Variants in KCNJ12 observed in about 807,000 individuals in gnomAD.
KCNJ12 encodes potassium inwardly rectifying channel subfamily J member 12, also known as ATP-sensitive inward rectifier potassium channel 12.
Under a neutral mutation model 22.3 loss-of-function variants are expected in KCNJ12, and 2 were observed. The ratio of observed to expected loss-of-function variants is 0.09; its 90% CI spans 0.04 to 0.28. KCNJ12 has a LOEUF of 0.28. KCNJ12 is among the 10% of genes least tolerant of loss of function. The pLI is 1.00. For missense variants in KCNJ12, 155 were observed against 633.3 expected, an observed-to-expected ratio of 0.24 and a Z score of 8.11; for synonymous variants, 117 against 261.4, an observed-to-expected ratio of 0.45 and a Z score of 5.33.
intron 1 of KCNJ12, among the ~76,000 whole-genome samples, chr17:21,393,801 G>A (rs1411472356): frequency 6.6e-6 from 1 of 152,198 alleles, no homozygotes; most frequent in African/African-American, 2.4e-5. Flanking sequence ...GGCCTTCACC[G>A]CCCGCCTCCA....
Position 21,387,769 on chromosome 17 carries a change from C to T in KCNJ12, c.-179+10856C>T, listed in dbSNP as rs1220327972. On this transcript the variant is annotated intron_variant, in intron 1 of 2. Coordinates refer to ENST00000583088, the MANE Select transcript of KCNJ12 (RefSeq NM_021012.5). ...GAAGCGCTCACTTTTAGGTTTCCCT[C>T]CAACCCTCAGCTGTCAGTGATGTAA... Among the ~76,000 whole-genome samples, 11 of 152,202 alleles carry T rather than the reference C, an allele frequency of 7.2e-5. 1 individual carries two copies. The highest frequency in any genetic ancestry group is 7.2e-4 in the Admixed American group (11 of 15,272).
intron 1 of KCNJ12, among the ~76,000 whole-genome samples, chr17:21,387,103 C>A (rs1437129302): frequency 6.6e-6 from 1 of 151,844 alleles, no homozygotes; most frequent in Non-Finnish European, 1.5e-5. Flanking sequence ...CTGCAGTGAG[C>A]GGAGATCGCG....
chr17:21,415,111 G>A (rs537228278), intron 2 of KCNJ12, among the ~76,000 whole-genome samples, 176 bp from the exon 3 acceptor site: 5 of 152,404 alleles, frequency 3.3e-5, no homozygotes, highest in South Asian at 2.1e-4. Flanking sequence ...GGCCCGAAGG[G>A]GGTGGCCATT....
At chr17:21,412,080 A>G (rs1215621896) in intron 2 of KCNJ12, among the ~76,000 whole-genome samples, 3 of 152,300 alleles carry the variant, frequency 2.0e-5, no homozygotes, top group African/African-American at 7.2e-5. Context: ...GAGGCTGAGG[A>G]CTGACATTCT....
chr17:21,401,114 C>T (rs1206474835), intron 1 of KCNJ12, among the ~76,000 whole-genome samples: 11 of 152,292 alleles, frequency 7.2e-5, no homozygotes, highest in Admixed American at 6.5e-4. Context: ...GGAACCTGCT[C>T]CACTGTCTCG....
intron 2 of KCNJ12, among the ~76,000 whole-genome samples, chr17:21,408,979 AC>A (rs1462600366): frequency 2.0e-5 from 3 of 152,308 alleles, no homozygotes; most frequent in African/African-American, 7.2e-5. Flanking sequence ...CATCTGCCTG[AC>A]CACCCACCTG....
At chr17:21,398,774 A>G (rs1408568362) in intron 1 of KCNJ12, among the ~76,000 whole-genome samples, 1 of 152,242 alleles carries the variant, frequency 6.6e-6, no homozygotes, top group Non-Finnish European at 1.5e-5. Context: ...CACATGTGAC[A>G]TGTTGCCAGC....
intron 1 of KCNJ12, among the ~76,000 whole-genome samples, chr17:21,388,838 C>T (rs1905138550): frequency 1.3e-5 from 2 of 152,162 alleles, no homozygotes; most frequent in Non-Finnish European, 2.9e-5. Context: ...CGGGAAGCCT[C>T]GGTTCTCTAA....
intron 1 of KCNJ12, among the ~76,000 whole-genome samples, chr17:21,391,052 G>T (rs1412752637): frequency 1.3e-5 from 2 of 152,184 alleles, no homozygotes; most frequent in Non-Finnish European, 2.9e-5. Flanking sequence ...TGTGCGTGGG[G>T]CCCTGCACGG....
chr17:21,387,392 A>G (rs1360166828), intron 1 of KCNJ12, among the ~76,000 whole-genome samples: 1 of 142,254 alleles, frequency 7.0e-6, no homozygotes, highest in African/African-American at 2.6e-5. Flanking sequence ...CAGTGAGCCG[A>G]GATCGCGCCA....
intron 1 of KCNJ12, among the ~76,000 whole-genome samples, chr17:21,400,411 C>G (rs1166816313): frequency 6.6e-6 from 1 of 152,312 alleles, no homozygotes. Flanking sequence ...CACAGTCCCT[C>G]CTGTAGCCGG....
intron 1 of KCNJ12, among the ~76,000 whole-genome samples, chr17:21,403,075 A>G (rs1338788147): frequency 6.6e-6 from 1 of 152,310 alleles, no homozygotes; most frequent in Admixed American, 6.5e-5. Context: ...GTACTCACGG[A>G]GGAGCAAGGG....
At chr17:21,403,073 G>T (rs35372381) in intron 1 of KCNJ12, among the ~76,000 whole-genome samples, 2 of 152,304 alleles carry the variant, frequency 1.3e-5, no homozygotes, top group Non-Finnish European at 2.9e-5. Flanking sequence ...GAGTACTCAC[G>T]GAGGAGCAAG....
At chr17:21,378,476 G>T (rs1226069305) in intron 1 of KCNJ12, among the ~76,000 whole-genome samples, 2 of 152,166 alleles carry the variant, frequency 1.3e-5, no homozygotes, top group Non-Finnish European at 2.9e-5. Context: ...GCTCTAGGAG[G>T]GGGACCCTGG....
chr17:21,413,045 C>A (rs1400816171), intron 2 of KCNJ12, among the ~76,000 whole-genome samples: 3 of 145,272 alleles, frequency 2.1e-5, no homozygotes, highest in African/African-American at 4.9e-5. Context: ...GGGCTCGGGG[C>A]TAAGCAACCA....
intron 1 of KCNJ12, among the ~76,000 whole-genome samples, chr17:21,394,351 G>C (rs1905283104): frequency 6.6e-6 from 1 of 152,206 alleles, no homozygotes; most frequent in African/African-American, 2.4e-5. Flanking sequence ...TTGCTGCCTA[G>C]GAGCAACAGG....
chr17:21,381,172 C>A (rs781805863), intron 1 of KCNJ12, among the ~76,000 whole-genome samples: 1 of 152,172 alleles, frequency 6.6e-6, no homozygotes, highest in African/African-American at 2.4e-5. Flanking sequence ...CTGCCTGACT[C>A]CCCCTGCCCA....
intron 1 of KCNJ12, among the ~76,000 whole-genome samples, chr17:21,379,721 T>C (rs1276371363): frequency 7.0e-6 from 1 of 142,830 alleles, no homozygotes; most frequent in Non-Finnish European, 1.5e-5. Context: ...AGGCTGAAGA[T>C]GAAAGAGAGC....
intron 1 of KCNJ12, among the ~76,000 whole-genome samples, chr17:21,378,432 C>T (rs1192586248): frequency 6.6e-6 from 1 of 152,322 alleles, no homozygotes; most frequent in East Asian, 1.9e-4. Flanking sequence ...TCTCTGGTGG[C>T]ACCTCCAACC....
Sources: gnomAD v4.1 joint callset for allele counts (sites outside exome capture counted in the v4.1 genomes callset) on GRCh38, gnomAD v4.1.1 for gene constraint, MANE v1.5 for transcripts, NCBI Gene and HGNC (gene_info 2026-07-23, HGNC 2026-07-21) for gene names.